Variants in MINDY1 observed in about 807,000 individuals in gnomAD.
MINDY1 encodes the protein MINDY lysine 48 deubiquitinase 1, also known as ubiquitin carboxyl-terminal hydrolase MINDY-1.
A neutral mutation model predicts 53.6 loss-of-function variants in MINDY1; 50 were observed. That is an observed-to-expected ratio of 0.93 (90% CI 0.74 to 1.18). The LOEUF (loss-of-function observed/expected upper bound fraction) is 1.18. MINDY1 is among the 50% of genes most tolerant of loss of function. The pLI, the probability that MINDY1 is intolerant of heterozygous loss-of-function variation, is 0.00. For synonymous variants in MINDY1, 231 were observed against 234.7 expected (o/e 0.98, Z 0.14); for missense variants, 484 against 578.6 (o/e 0.84, Z 1.68).
chr1:151,008,112 G>C (rs1673426838), upstream of MINDY1: 2 of 492,708 alleles, frequency 4.1e-6, no homozygotes, highest in Non-Finnish European at 5.3e-6. Context: ...TTTGTAGAAA[G>C]AAGATGATCT....
In MINDY1 at chr1:151,002,761, CTTGGAAAAGGAATG is replaced by C; in HGVS notation, c.-89-69_-89-56del. 1 of 1,502,390 alleles carries C rather than the reference CTTGGAAAAGGAATG, an allele frequency of 6.7e-7. No individual in the cohort carries two copies. The highest frequency in any genetic ancestry group is 2.3e-5 in the Admixed American group (1 of 43,878). 93.1% of individuals were successfully genotyped at this position (1,502,390 alleles called of 1,614,324 possible). On this transcript the variant is annotated intron_variant, in intron 1 of 9. Coordinates refer to ENST00000683666, the MANE Select transcript of MINDY1 (RefSeq NM_001376665.1). This position sits in a 1 kb window ranked among gnomAD's most constrained non-coding sequence, Gnocchi z 4.1. ...GGAAAGCAAACTAACCCAGAAAAGT[CTTGGAAAAGGAATG>C]TAGTGTAGAAGGCTGGCTAGTGTTT...
At chr1:151,006,037 A>G (rs987634770) in intron 1 of MINDY1, 1 of 1,542,080 alleles carries the variant, frequency 6.5e-7, no homozygotes, top group South Asian at 1.2e-5. Context: ...TGTGCAATCA[A>G]TAGTTTAGAT....
Position 151,006,600 on chromosome 1 carries a change from C to A in MINDY1, c.-378G>T, listed in dbSNP as rs1673244597. ...GAGAGTCTTCAGGATTCCTGAGTCGCCGAGTCTATGGCATGCGCTCCGGGC... is the reference window on the plus strand; with the variant it reads ...GAGAGTCTTCAGGATTCCTGAGTCGACGAGTCTATGGCATGCGCTCCGGGC... On this transcript the variant is annotated 5_prime_UTR_variant, in exon 1 of 10. Coordinates refer to ENST00000683666, the MANE Select transcript of MINDY1 (RefSeq NM_001376665.1). 1.0e-6 allele frequency: 1 copy of A among 990,216 alleles called. No individual in the cohort carries two copies. Among genetic ancestry groups the A allele is most frequent in the Non-Finnish European group, 1.2e-6 (1 of 833,200 alleles). The allele number at this position is 990,216 out of a possible 1,614,324, so 61.3% of individuals were successfully genotyped here. A position where few individuals can be genotyped will look rare whatever the true frequency, so the allele number is the denominator to read the frequency against.
intron 1 of MINDY1, among the ~76,000 whole-genome samples, chr1:151,003,944 C>CA (rs1232544042): frequency 6.6e-6 from 1 of 152,026 alleles, no homozygotes; most frequent in East Asian, 1.9e-4. Context: ...TTTTTTGAGA[C>CA]AGAGTTTTGC....
intron 2 of MINDY1, 35 bp from the exon 3 acceptor site, chr1:151,001,817 C>T (rs1270943924): frequency 6.4e-7 from 1 of 1,568,054 alleles, no homozygotes; most frequent in Non-Finnish European, 8.6e-7. Context: ...TGTGTGCTTT[C>T]CTCCAAAGAG....
At chr1:150,997,523 G>C in intron 9 of MINDY1, 101 bp downstream of exon 9, 1 of 1,586,334 alleles carries the variant, frequency 6.3e-7, no homozygotes, top group South Asian at 1.1e-5. Flanking sequence ...GACTCTGAGA[G>C]AAGAAACCTT....
upstream of MINDY1, among the ~76,000 whole-genome samples, chr1:151,007,956 G>A (rs1673408159): frequency 6.6e-6 from 1 of 152,176 alleles, no homozygotes; most frequent in African/African-American, 2.4e-5. Context: ...AAAAAAACAG[G>A]CTACAGAGTT....
Position 151,001,325 on chromosome 1 carries a change from G to A in MINDY1, c.512-11C>T. The A allele has an allele frequency of 6.2e-7, 1 of 1,614,032 alleles. No individual in the cohort carries two copies. The highest frequency in any genetic ancestry group is 8.5e-7 in the Non-Finnish European group (1 of 1,179,970). ...ACAGGAGGCAGTTTCCTACAAGACA[G>A]GGCCCCTTATCAGCTTACCCCACCA... On this transcript the variant is annotated splice_polypyrimidine_tract_variant and intron_variant, in intron 3 of 9. Transcript: ENST00000683666.
chr1:150,998,330 T>C, intron 7 of MINDY1, 57 bp from the exon 8 acceptor site: 1 of 1,504,666 alleles, frequency 6.6e-7, no homozygotes, highest in Non-Finnish European at 9.0e-7. Flanking sequence ...GGCAGTTCAC[T>C]GCCAGAAATC....
At position 150,998,645 on chromosome 1, in the gene MINDY1, C is replaced by T. The variant is rs774643208; in HGVS notation, c.982-372G>A. ...TGCTGGGATTACAGGCATGAGCCAC[C>T]GCACCCGGACCCTGAGCATGCGGAC... On this transcript the variant is annotated intron_variant, in intron 7 of 9. Coordinates refer to ENST00000683666, the MANE Select transcript of MINDY1 (RefSeq NM_001376665.1). Among the ~76,000 whole-genome samples the T allele has an allele frequency of 5.9e-5, 9 of 152,274 alleles. No homozygotes were observed. In the South Asian group the frequency reaches 6.2e-4, roughly 11 times the overall value.
Position 150,999,612 on chromosome 1 carries a change from G to A in MINDY1, c.839-101C>T. The A allele has an allele frequency of 1.4e-6, 2 of 1,473,080 alleles. No individual in the cohort carries two copies. The highest frequency in any genetic ancestry group is 1.8e-6 in the Non-Finnish European group (2 of 1,084,506). 91.3% of individuals were successfully genotyped at this position (1,473,080 alleles called of 1,614,324 possible). ...CCCTGTCAAAAGCCCCGGGGGGTCA[G>A]TCCCACCTTCTGACGTCCCTTTCTT... On this transcript the variant is annotated intron_variant, in intron 6 of 9. Transcript: ENST00000683666. The surrounding 1 kb of genome is among the most constrained non-coding windows in gnomAD (Gnocchi z 4.4).
In MINDY1 at chr1:150,999,703, C is replaced by T. The variant is rs587663856; in HGVS notation, c.838+159G>A. Among the ~76,000 whole-genome samples, 1 of 152,306 alleles carries T rather than the reference C, an allele frequency of 6.6e-6. No individual in the cohort carries two copies. Among genetic ancestry groups the T allele is most frequent in the East Asian group, 1.9e-4 (1 of 5,184 alleles). On this transcript the variant is annotated intron_variant, in intron 6 of 9. Transcript: ENST00000683666. This position sits in a 1 kb window ranked among gnomAD's most constrained non-coding sequence, Gnocchi z 4.4. ...TAGAGCAGCTACCTTGTGCCAGGCA[C>T]TGGGGATACCTCAATGAACTAAACA...
intron 7 of MINDY1, among the ~76,000 whole-genome samples, chr1:150,998,744 G>A (rs1445017843): frequency 2.0e-5 from 3 of 152,140 alleles, no homozygotes; most frequent in Non-Finnish European, 4.4e-5. Context: ...TGTGAGCACG[G>A]TGGTCATTCT....
chr1:151,000,746 C>T, intron 4 of MINDY1, 131 bp from the exon 5 acceptor site: 1 of 966,324 alleles, frequency 1.0e-6, no homozygotes, highest in South Asian at 1.7e-5. Flanking sequence ...CCATTTCTCC[C>T]TTGCCTCAAC....
In MINDY1 at chr1:150,999,224, A is replaced by C; in HGVS notation, c.981+145T>G. 1 of 1,180,400 alleles carries C rather than the reference A, an allele frequency of 8.5e-7. No homozygotes were observed. The highest frequency in any genetic ancestry group is 2.4e-5 in the East Asian group (1 of 41,730). The allele number at this position is 1,180,400 out of a possible 1,614,324, so 73.1% of individuals were successfully genotyped here. A position where few individuals can be genotyped will look rare whatever the true frequency, so the allele number is the denominator to read the frequency against. On this transcript the variant is annotated intron_variant, in intron 7 of 9. Coordinates refer to ENST00000683666, the MANE Select transcript of MINDY1 (RefSeq NM_001376665.1). The surrounding 1 kb of genome is among the most constrained non-coding windows in gnomAD (Gnocchi z 4.4). ...CAGTGGACACGCACCAGGAGCGGGA[A>C]ATGAACCTTTGTTGTGGTAAACCAC... is the stretch of plus-strand genomic sequence containing the variant.
rs761099204 is a variant in MINDY1, at chr1:150,997,310, C to G, written c.1387G>C (p.Glu463Gln). The G allele has an allele frequency of 6.3e-7, 1 of 1,597,346 alleles. No homozygotes were observed. Among genetic ancestry groups the G allele is most frequent in the Non-Finnish European group, 8.5e-7 (1 of 1,170,488 alleles). The change falls in exon 10 of 10, where the codon GAG becomes CAG. Residue 463 changes from glutamate (E) to glutamine (Q), a missense_variant. Coordinates refer to ENST00000683666, the MANE Select transcript of MINDY1 (RefSeq NM_001376665.1). The part of the protein sequence containing the change: ...AGERRQRPKH[E>Q]SDCILL ...AGCTACAGCAGAATGCAGTCTGACTCGTGCTTCGGCCTCTGCCGACGCTCC... is the reference window on the plus strand; with the variant it reads ...AGCTACAGCAGAATGCAGTCTGACTGGTGCTTCGGCCTCTGCCGACGCTCC...
rs1056715756 is a variant in MINDY1, at chr1:151,006,652, A to C, written c.-430T>G. On this transcript the variant is annotated 5_prime_UTR_variant, in exon 1 of 10. Transcript: ENST00000683666. ...CTGACTACAAGCTGGTTTTCAAAGG[A>C]AGTTTGTGGTTTTTCTTTTCTTCTC... The C allele has an allele frequency of 4.1e-6, 4 of 986,160 alleles. No homozygotes were observed. The highest frequency in any genetic ancestry group is 4.8e-6 in the Non-Finnish European group (4 of 830,558). The allele number at this position is 986,160 out of a possible 1,614,324, so 61.1% of individuals were successfully genotyped here. A position where few individuals can be genotyped will look rare whatever the true frequency, so the allele number is the denominator to read the frequency against.
upstream of MINDY1, chr1:151,008,337 A>C (rs772268172): frequency 1.5e-6 from 2 of 1,309,256 alleles, no homozygotes; most frequent in African/African-American, 3.0e-5. Flanking sequence ...TACGTTTCCC[A>C]CGTCGCCCCA....
At position 151,006,603 on chromosome 1, in the gene MINDY1, A is replaced by T. The variant is rs1673245858; in HGVS notation, c.-381T>A. ...AGTCTTCAGGATTCCTGAGTCGCCG[A>T]GTCTATGGCATGCGCTCCGGGCCCT... On this transcript the variant is annotated 5_prime_UTR_variant, in exon 1 of 10. Coordinates refer to ENST00000683666, the MANE Select transcript of MINDY1 (RefSeq NM_001376665.1). 1.0e-6 allele frequency: 1 copy of T among 989,680 alleles called. No homozygotes were observed. Among genetic ancestry groups the T allele is most frequent in the African/African-American group, 1.7e-5 (1 of 57,388 alleles). The allele number at this position is 989,680 out of a possible 1,614,324, so 61.3% of individuals were successfully genotyped here.
Sources: allele counts gnomAD v4.1 joint callset (sites outside exome capture counted in the v4.1 genomes callset), GRCh38; gene constraint gnomAD v4.1.1; non-coding constraint Gnocchi (gnomAD v3.1); transcripts MANE v1.5; gene names NCBI Gene and HGNC (gene_info 2026-07-23, HGNC 2026-07-21).